The following PLCE1 variants were observed in gnomAD, a reference collection of about 807,000 sequenced individuals.
PLCE1 encodes the protein 1-phosphatidylinositol 4,5-bisphosphate phosphodiesterase epsilon-1.
Under a neutral mutation model 242.8 loss-of-function variants are expected in PLCE1, and 119 were observed. That is an observed-to-expected ratio of 0.49 (90% CI 0.42 to 0.57). The LOEUF is 0.57. Among genes scored for constraint, PLCE1 ranks in the 20% least tolerant of loss-of-function variants. PLCE1 has a pLI of 0.00. For synonymous variants in PLCE1, 945 were observed against 1,017.4 expected, an observed-to-expected ratio of 0.93 and a Z score of 1.35; for missense variants, 2,441 against 2,788.8, an observed-to-expected ratio of 0.88 and a Z score of 2.81.
chr10:94,165,176 C>G (rs1431054908), intron 3 of PLCE1, among the ~76,000 whole-genome samples: 1 of 152,214 alleles, frequency 6.6e-6, no homozygotes, highest in Non-Finnish European at 1.5e-5. Flanking sequence ...TAGACAGGGA[C>G]ATTTAAGTCC....
intron 2 of PLCE1, among the ~76,000 whole-genome samples, chr10:94,110,784 C>T (rs1187421726): frequency 1.3e-5 from 2 of 152,118 alleles, no homozygotes; most frequent in African/African-American, 2.4e-5. Flanking sequence ...AAGCATCATC[C>T]TTCTCTGTTG....
At chr10:94,039,013 C>T (rs2061717063) in intron 2 of PLCE1, among the ~76,000 whole-genome samples, 1 of 152,298 alleles carries the variant, frequency 6.6e-6, no homozygotes, top group South Asian at 2.1e-4. Flanking sequence ...GCTTCTTTCA[C>T]TTCGCATAAT....
At chr10:94,226,831 C>CT (rs1177112312) in intron 4 of PLCE1, among the ~76,000 whole-genome samples, 2,709 of 101,724 alleles carry the variant, frequency 0.027, 388 homozygotes, top group African/African-American at 0.085. Flanking sequence ...ACCTATAGGT[C>CT]TTTTTTTTTT....
At chr10:94,137,969 A>T (rs551534169) in intron 3 of PLCE1, 1 of 392,714 alleles carries the variant, frequency 2.5e-6, no homozygotes, top group African/African-American at 2.1e-5. Context: ...CTTGCACTCC[A>T]TTCATCCTGA....
intron 2 of PLCE1, among the ~76,000 whole-genome samples, chr10:94,092,017 C>T (rs1332111917): frequency 2.0e-5 from 3 of 152,148 alleles, no homozygotes; most frequent in African/African-American, 7.2e-5. Flanking sequence ...AGGGAGGTGT[C>T]TGTGTGTGAG....
chr10:94,011,704 TAAAATTCTTGTTTGTC>T (rs1359793878), intron 1 of PLCE1, among the ~76,000 whole-genome samples: 1 of 152,194 alleles, frequency 6.6e-6, no homozygotes, highest in Non-Finnish European at 1.5e-5. Context: ...ATATAAAATT[TAAAATTCTTGTTTGTC>T]AGCCCCTGAA....
At chr10:94,205,485 G>A in intron 4 of PLCE1, among the ~76,000 whole-genome samples, 1 of 152,222 alleles carries the variant, frequency 6.6e-6, no homozygotes, top group South Asian at 2.1e-4. Flanking sequence ...AAGCCATGGG[G>A]CAGCCCTGTC....
intron 3 of PLCE1, chr10:94,138,540 G>T: frequency 2.1e-6 from 1 of 477,916 alleles, no homozygotes. Context: ...GTCATACAGT[G>T]TGACTCAGAC....
rs1302982423 is a variant in PLCE1 at position 94,093,554 on chromosome 10, A to C, written c.1207-38620A>C. On this transcript the variant is annotated intron_variant, in intron 2 of 32. Transcript: ENST00000371380. ...ACAGACAGTCAGTGTCCATTAATTA[A>C]ATAAATGCCATGTGAAGGATTTGAA... is the stretch of plus-strand genomic sequence containing the variant. Among the ~76,000 whole-genome samples, 5 of 152,254 alleles carry C rather than the reference A, an allele frequency of 3.3e-5. No individual in the cohort carries two copies. In the East Asian group the frequency reaches 9.6e-4, roughly 29 times the overall value.
chr10:94,127,684 A>C (rs1398677867), intron 2 of PLCE1, among the ~76,000 whole-genome samples: 1 of 152,218 alleles, frequency 6.6e-6, no homozygotes, highest in Non-Finnish European at 1.5e-5. Context: ...GCATTTACTA[A>C]GTGCCAGATG....
At position 94,176,911 on chromosome 10, in the gene PLCE1, G is replaced by T. The variant is rs538290917; in HGVS notation, c.1809+5415G>T. 2.0e-5 allele frequency among the ~76,000 whole-genome samples: 3 copies of T among 152,268 alleles called. No individual in the cohort carries two copies. In the South Asian group the frequency reaches 6.2e-4, roughly 32 times the overall value. On this transcript the variant is annotated intron_variant, in intron 4 of 32. Transcript: ENST00000371380. ...ATTCTGCTGAGCCCTCGAGTCTGGG[G>T]CTGGGTCTTGAGAGATGGGAGGAAT... is the stretch of plus-strand genomic sequence containing the variant.
In PLCE1 at chr10:94,083,208, G is replaced by A. The variant is rs530994196; in HGVS notation, c.1207-48966G>A. 5.3e-5 allele frequency among the ~76,000 whole-genome samples: 8 copies of A among 152,226 alleles called. No individual in the cohort carries two copies. In the South Asian group the frequency reaches 8.3e-4, roughly 16 times the overall value. On this transcript the variant is annotated intron_variant, in intron 2 of 32. Coordinates refer to ENST00000371380, the MANE Select transcript of PLCE1 (RefSeq NM_016341.4). ...AAGGTGAGCCCATAACATATGTTCC[G>A]TAATTGCTTTGTGAATTGGAAAGGT...
intron 2 of PLCE1, among the ~76,000 whole-genome samples, chr10:94,055,104 A>T (rs2043868082): frequency 6.6e-6 from 1 of 151,930 alleles, no homozygotes. Context: ...AGGAGTTGAA[A>T]TTTCAACTGT....
intron 11 of PLCE1, among the ~76,000 whole-genome samples, chr10:94,257,642 A>G (rs2051146010): frequency 6.6e-6 from 1 of 152,216 alleles, no homozygotes; most frequent in African/African-American, 2.4e-5. Context: ...GAAGCTGGAA[A>G]CCATCATTCT....
At chr10:94,048,302 C>T (rs1161866580) in intron 2 of PLCE1, among the ~76,000 whole-genome samples, 1 of 152,128 alleles carries the variant, frequency 6.6e-6, no homozygotes, top group Non-Finnish European at 1.5e-5. Context: ...AGAAAGCAAA[C>T]TGTTGAAACA....
chr10:94,166,580 GTGT>G (rs1564749194), intron 3 of PLCE1, among the ~76,000 whole-genome samples: 2 of 396 alleles, frequency 5.1e-3, no homozygotes. Context: ...GAGAAAAAAG[GTGT>G]GTGTGTGTGT....
At chr10:94,118,873 CT>C (rs1288906577) in intron 2 of PLCE1, among the ~76,000 whole-genome samples, 1 of 152,190 alleles carries the variant, frequency 6.6e-6, no homozygotes, top group Non-Finnish European at 1.5e-5. Flanking sequence ...TCCTCATGAA[CT>C]TGAGTGCAGT....
At chr10:94,200,449 G>T (rs1450089446) in intron 4 of PLCE1, among the ~76,000 whole-genome samples, 1 of 152,000 alleles carries the variant, frequency 6.6e-6, no homozygotes, top group African/African-American at 2.4e-5. Flanking sequence ...ACAAAGTAAA[G>T]GAAAAATATA....
intron 2 of PLCE1, among the ~76,000 whole-genome samples, chr10:94,103,206 A>G (rs2045601842): frequency 6.6e-6 from 1 of 152,312 alleles, no homozygotes; most frequent in South Asian, 2.1e-4. Context: ...CAACCACCTG[A>G]TAAGACAGAT....
Sources: allele counts gnomAD v4.1 joint callset (sites outside exome capture counted in the v4.1 genomes callset), GRCh38; gene constraint gnomAD v4.1.1; transcripts MANE v1.5; gene names NCBI Gene and HGNC (gene_info 2026-07-23, HGNC 2026-07-21).